ST6GALNAC1: variants seen among roughly 807,000 people sequenced by gnomAD.
ST6GALNAC1 encodes the protein alpha-N-acetylgalactosaminide alpha-2,6-sialyltransferase 1.
ST6GALNAC1 carries 45 observed loss-of-function variants against 56.8 expected under a neutral mutation model. The ratio of observed to expected loss-of-function variants is 0.79; its 90% CI spans 0.62 to 1.02. The LOEUF (loss-of-function observed/expected upper bound fraction) is 1.02. Ranked by LOEUF, ST6GALNAC1 falls within the 50% of genes least tolerant of loss-of-function variation. The pLI is 0.00. For missense variants in ST6GALNAC1, 743 were observed against 754.8 expected (o/e 0.98, Z 0.18); for synonymous variants, 295 against 297.8 (o/e 0.99, Z 0.10).
rs1305473338 is a variant in ST6GALNAC1, at chr17:76,626,757, T to A, written c.1205A>T (p.Gln402Leu). The change falls in exon 5 of 9, where the codon CAG (glutamine) becomes CTG (leucine). Residue 402 changes from glutamine (Q) to leucine (L), a missense_variant. Gln to Leu is a moderately radical substitution (Grantham distance 113). Coordinates refer to ENST00000156626, the MANE Select transcript of ST6GALNAC1 (RefSeq NM_018414.5). ...GAAGGATGTCCGAGTCCCCACATCC[T>A]GTTCGTAGCCTTTAATGAGAGCTCC... is the stretch of plus-strand genomic sequence containing the variant. ...LSGALIKGYE[Q>L]DVGTRTSFYG... is the part of the protein sequence containing the mutation. 2.5e-6 allele frequency: 4 copies of A among 1,614,142 alleles called. No homozygotes were observed. The highest frequency in any genetic ancestry group is 2.7e-5 in the African/African-American group (2 of 74,958).
chr17:76,627,184 A>G lies in ST6GALNAC1; in HGVS notation c.1055T>C (p.Leu352Pro), dbSNP rs1478915605. 2 of 1,601,608 alleles carry G rather than the reference A, an allele frequency of 1.2e-6. No individual in the cohort carries two copies. The highest frequency in any genetic ancestry group is 8.5e-7 in the Non-Finnish European group (1 of 1,173,520). The change falls in exon 4 of 9, where the codon CTG becomes CCG. Residue 352 changes from leucine (L) to proline (P), a missense_variant. Coordinates refer to ENST00000156626, the MANE Select transcript of ST6GALNAC1 (RefSeq NM_018414.5). This position sits in a 1 kb window ranked among gnomAD's most constrained non-coding sequence, Gnocchi z 4.4. ...FPPVPQQQLLLASLPAGSLRC... is the reference protein window; with the variant it reads ...FPPVPQQQLLPASLPAGSLRC... ...GAGGCTCCCAGCGGGGAGGCTGGCC[A>G]GGAGCAGCTGCTGCTGGGGCACTGG...
chr17:76,637,821 G>C (rs2075997855), intron 1 of ST6GALNAC1: 3 of 397,832 alleles, frequency 7.5e-6, no homozygotes, highest in Non-Finnish European at 1.3e-5. Flanking sequence ...GGAGGTGATA[G>C]AAAATAAAGT....
At chr17:76,618,061 T>A in the ST6GALNAC1 span, among the ~76,000 whole-genome samples, 1 of 152,174 alleles carries the variant, frequency 6.6e-6, no homozygotes, top group Non-Finnish European at 1.5e-5. Flanking sequence ...ACAGCAAACT[T>A]GTCATGGCCT....
At chr17:76,628,022 G>A (rs546564509) in intron 2 of ST6GALNAC1, among the ~76,000 whole-genome samples, 8 of 151,078 alleles carry the variant, frequency 5.3e-5, no homozygotes, top group Non-Finnish European at 1.0e-4. Context: ...GCGTGAACCC[G>A]GGAAGCGGAG....
At chr17:76,638,615 T>C (rs1324670207) in intron 1 of ST6GALNAC1, among the ~76,000 whole-genome samples, 2 of 151,696 alleles carry the variant, frequency 1.3e-5, no homozygotes, top group Non-Finnish European at 2.9e-5. Flanking sequence ...AGTTTCACTC[T>C]TGCTGCCCAG....
chr17:76,620,329 C>T (rs1473988978), downstream of ST6GALNAC1, among the ~76,000 whole-genome samples: 1 of 152,066 alleles, frequency 6.6e-6, no homozygotes, highest in African/African-American at 2.4e-5. Context: ...TGTGAGCCAC[C>T]GCACCCAGCC....
At chr17:76,618,651 G>A in the ST6GALNAC1 span, among the ~76,000 whole-genome samples, 1 of 151,990 alleles carries the variant, frequency 6.6e-6, no homozygotes, top group Non-Finnish European at 1.5e-5. Flanking sequence ...CGTGGTGGCA[G>A]GCGCATGTAG....
Position 76,625,365 on chromosome 17 carries a change from G to A in ST6GALNAC1, c.1768C>T (p.Arg590Cys), listed in dbSNP as rs150577421. The change falls in exon 9 of 9, where the codon CGT becomes TGT. Residue 590 changes from arginine (R) to cysteine (C), a missense_variant. Arg to Cys is a radical substitution (Grantham distance 180). Coordinates refer to ENST00000156626, the MANE Select transcript of ST6GALNAC1 (RefSeq NM_018414.5). ...HDEGIIRLYQ[R>C]PGPGTAKAKN ...GCTTTGGCAGTTCCGGGACCAGGAC[G>A]CTGGTACAGCCGGATTATCCCTTCA... The A allele has an allele frequency of 5.6e-6, 9 of 1,613,756 alleles. No individual in the cohort carries two copies. The highest frequency in any genetic ancestry group is 2.2e-5 in the South Asian group (2 of 91,068).
rs946205533 is a variant in ST6GALNAC1 at position 76,643,542 on chromosome 17, A to G, written c.97T>C (p.Ser33Pro). ...TTTGTTTGAGGCTCCTTAATAAAAG[A>G]GGGCAAGGCGAAGAGAAAGAAGACC... Reference protein sequence around the residue: ...VLVFFLFALPSFIKEPQTKPS... With the variant: ...VLVFFLFALPPFIKEPQTKPS... The change falls in exon 1 of 9, where the codon TCT (serine) becomes CCT (proline). Residue 33 changes from serine (S) to proline (P), a missense_variant. Transcript: ENST00000156626. 22 of 1,614,126 alleles carry G rather than the reference A, an allele frequency of 1.4e-5. No individual in the cohort carries two copies. The highest frequency in any genetic ancestry group is 1.8e-5 in the Non-Finnish European group (21 of 1,179,970).
chr17:76,629,901 C>G (rs8077315), intron 1 of ST6GALNAC1, among the ~76,000 whole-genome samples, 190 bp from the exon 2 acceptor site: 15,030 of 151,230 alleles, frequency 0.099, 826 homozygotes, highest in Middle Eastern at 0.14. Context: ...TCCTGCCCCA[C>G]CCCCCTGAGT....
chr17:76,618,053 A>G, the ST6GALNAC1 span, among the ~76,000 whole-genome samples: 1 of 152,228 alleles, frequency 6.6e-6, no homozygotes, highest in Non-Finnish European at 1.5e-5. Flanking sequence ...GACTTCAAAC[A>G]GCAAACTTGT....
chr17:76,639,647 A>G (rs2076021250), intron 1 of ST6GALNAC1, among the ~76,000 whole-genome samples: 2 of 8,868 alleles, frequency 2.3e-4, no homozygotes, highest in Admixed American at 2.4e-3. Context: ...AAACACACAC[A>G]CACACACACA....
chr17:76,629,587 G>T lies in ST6GALNAC1; in HGVS notation c.256C>A (p.Leu86Ile), dbSNP rs560333120. 3 of 1,613,818 alleles carry T rather than the reference G, an allele frequency of 1.9e-6. No homozygotes were observed. The change falls in exon 2 of 9, where the codon CTC (leucine) becomes ATC (isoleucine). Residue 86 changes from leucine (L) to isoleucine (I), a missense_variant. Physicochemically the swap from Leu to Ile is conservative, Grantham distance 5. Transcript: ENST00000156626. ...YAEPVPENNA[L>I]NTQTQPKAHT... ...GCCTTGGGCTGGGTTTGTGTGTTGAGGGCATTGTTCTCTGGCACTGGCTCT... is the reference window on the plus strand; with the variant it reads ...GCCTTGGGCTGGGTTTGTGTGTTGATGGCATTGTTCTCTGGCACTGGCTCT...
At chr17:76,633,276 C>T (rs773330009) in intron 1 of ST6GALNAC1, among the ~76,000 whole-genome samples, 7 of 151,974 alleles carry the variant, frequency 4.6e-5, no homozygotes, top group African/African-American at 1.5e-4. Context: ...TTTGGGAGGC[C>T]GAGGTGGGTG....
intron 1 of ST6GALNAC1, among the ~76,000 whole-genome samples, chr17:76,631,082 T>A (rs1482299982): frequency 6.6e-6 from 1 of 151,540 alleles, no homozygotes; most frequent in Non-Finnish European, 1.5e-5. Context: ...TGTGTGTGTG[T>A]GTGTGTGTGT....
Position 76,627,749 on chromosome 17 carries a change from T to C in ST6GALNAC1, c.832-166A>G, listed in dbSNP as rs1027481682. ...TGCTTACCCTCCCCTTCCCATTGTC[T>C]GGGCTCATTGTGGTCCTGAGGGTTC... On this transcript the variant is annotated intron_variant, in intron 2 of 8. Transcript: ENST00000156626. The surrounding 1 kb of genome is among the most constrained non-coding windows in gnomAD (Gnocchi z 4.4). Among the ~76,000 whole-genome samples the C allele has an allele frequency of 3.9e-5, 6 of 152,180 alleles. No individual in the cohort carries two copies. Among genetic ancestry groups the C allele is most frequent in the Non-Finnish European group, 5.9e-5 (4 of 68,020 alleles).
At chr17:76,625,673 A>G in intron 8 of ST6GALNAC1, 146 bp from the exon 9 acceptor site, 1 of 1,151,022 alleles carries the variant, frequency 8.7e-7, no homozygotes, top group Non-Finnish European at 1.2e-6. Context: ...ATACGCACGC[A>G]TAACTGCATG....
chr17:76,631,527 T>TG (rs1197437982), intron 1 of ST6GALNAC1, among the ~76,000 whole-genome samples: 10 of 152,240 alleles, frequency 6.6e-5, no homozygotes, highest in Admixed American at 5.2e-4. Flanking sequence ...GTTGAGCCTC[T>TG]GGGGGGGCTT....
chr17:76,635,717 A>C (rs1445862615), intron 1 of ST6GALNAC1, among the ~76,000 whole-genome samples: 1 of 152,208 alleles, frequency 6.6e-6, no homozygotes, highest in Non-Finnish European at 1.5e-5. Flanking sequence ...TGACAACACA[A>C]TGCAATGTTT....
Sources: allele counts gnomAD v4.1 joint callset (sites outside exome capture counted in the v4.1 genomes callset), GRCh38; gene constraint gnomAD v4.1.1; non-coding constraint Gnocchi (gnomAD v3.1); transcripts MANE v1.5; gene names NCBI Gene and HGNC (gene_info 2026-07-23, HGNC 2026-07-21).